The following ALK variants were observed in gnomAD, a reference collection of about 807,000 sequenced individuals.
ALK encodes the protein ALK tyrosine kinase receptor.
Under a neutral mutation model 163.1 loss-of-function variants are expected in ALK, and 74 were observed. The ratio of observed to expected loss-of-function variants is 0.45; its 90% CI spans 0.38 to 0.55. The LOEUF (loss-of-function observed/expected upper bound fraction) is 0.55, where lower values mean the gene tolerates loss of function less well. Ranked by LOEUF, ALK falls within the 20% of genes least tolerant of loss-of-function variation. ALK has a pLI of 0.00. For synonymous variants in ALK, 960 were observed against 843.2 expected (o/e 1.14, Z -2.40); for missense variants, 2,063 against 2,105.3 (o/e 0.98, Z 0.39).
intron 4 of ALK, among the ~76,000 whole-genome samples, chr2:29,511,058 C>T (rs1336993946): frequency 6.6e-6 from 1 of 152,166 alleles, no homozygotes; most frequent in Non-Finnish European, 1.5e-5. Context: ...TCCTCATCTC[C>T]TTTTCACTAA....
chr2:29,568,029 A>G (rs1277282974), intron 3 of ALK, among the ~76,000 whole-genome samples: 1 of 152,204 alleles, frequency 6.6e-6, no homozygotes, highest in African/African-American at 2.4e-5. Context: ...TAAATTGCAG[A>G]CAGTTTGGGT....
At chr2:29,566,203 T>C (rs1012452588) in intron 3 of ALK, among the ~76,000 whole-genome samples, 4 of 152,236 alleles carry the variant, frequency 2.6e-5, no homozygotes, top group Admixed American at 1.3e-4. Context: ...CCATTCACCA[T>C]GGCCAAATCC....
At chr2:29,787,553 G>A (rs988913914) in intron 1 of ALK, among the ~76,000 whole-genome samples, 4 of 152,232 alleles carry the variant, frequency 2.6e-5, no homozygotes, top group African/African-American at 4.8e-5. Context: ...TCCATGGGAC[G>A]TATGCATAGG....
chr2:29,578,549 C>A lies in ALK; in HGVS notation c.953-46433G>T, dbSNP rs562728664. On this transcript the variant is annotated intron_variant, in intron 3 of 28. Transcript: ENST00000389048. ...TGTGGAGTCCTAAGCTTGAGGAGGG[C>A]CCTCAGGGCCTGTTTGGGGGTAGGG... Among the ~76,000 whole-genome samples the A allele has an allele frequency of 1.1e-4, 17 of 152,278 alleles. No individual in the cohort carries two copies. The South Asian group carries it at 3.5e-3, about 32-fold the overall frequency.
chr2:29,341,277 G>A (rs1667783848), intron 5 of ALK, among the ~76,000 whole-genome samples: 1 of 152,180 alleles, frequency 6.6e-6, no homozygotes, highest in Non-Finnish European at 1.5e-5. Context: ...TGTGTCTAAA[G>A]AACTTGCTCA....
intron 5 of ALK, among the ~76,000 whole-genome samples, chr2:29,352,357 G>A (rs1222826142): frequency 2.0e-5 from 3 of 152,226 alleles, no homozygotes; most frequent in East Asian, 1.9e-4. Flanking sequence ...AATACTTGCC[G>A]GAGCCAAGCA....
chr2:29,590,522 T>C, intron 3 of ALK, among the ~76,000 whole-genome samples: 1 of 152,142 alleles, frequency 6.6e-6, no homozygotes, highest in East Asian at 1.9e-4. Context: ...CTAAGTCAGT[T>C]CAGCAAAAAC....
intron 1 of ALK, among the ~76,000 whole-genome samples, chr2:29,908,295 C>G (rs1341387412): frequency 2.0e-5 from 3 of 152,012 alleles, no homozygotes; most frequent in African/African-American, 7.2e-5. Flanking sequence ...CACACACACA[C>G]ACACACACAC....
At chr2:29,391,308 G>GC (rs1204487771) in intron 4 of ALK, among the ~76,000 whole-genome samples, 67 of 141,118 alleles carry the variant, frequency 4.7e-4, no homozygotes, top group African/African-American at 1.3e-3. Context: ...TTTTTTTTGG[G>GC]GGGGGGGTGG....
intron 1 of ALK, among the ~76,000 whole-genome samples, chr2:29,894,626 A>G (rs1667223574): frequency 6.6e-6 from 1 of 152,076 alleles, no homozygotes; most frequent in Non-Finnish European, 1.5e-5. Context: ...GAATGACTTC[A>G]AGTCCAGGAT....
At chr2:29,195,882 C>T (rs1669010882) in intron 28 of ALK, among the ~76,000 whole-genome samples, 1 of 152,088 alleles carries the variant, frequency 6.6e-6, no homozygotes, top group Non-Finnish European at 1.5e-5. Context: ...CCTGAGCAGG[C>T]GATTGGTGAT....
intron 11 of ALK, among the ~76,000 whole-genome samples, chr2:29,262,178 T>G (rs1018368236): frequency 6.6e-6 from 1 of 152,232 alleles, no homozygotes; most frequent in African/African-American, 2.4e-5. Flanking sequence ...TGTAGAAAAG[T>G]TAAGCAATTG....
At chr2:29,333,902 G>A (rs766977296) in intron 5 of ALK, among the ~76,000 whole-genome samples, 1 of 152,178 alleles carries the variant, frequency 6.6e-6, no homozygotes, top group Non-Finnish European at 1.5e-5. Flanking sequence ...GTGAGCCACT[G>A]CACCCAGCCT....
At chr2:29,374,896 T>C (rs1668717926) in intron 5 of ALK, among the ~76,000 whole-genome samples, 4 of 152,186 alleles carry the variant, frequency 2.6e-5, no homozygotes, top group Admixed American at 2.6e-4. Context: ...GTGAGGATAC[T>C]AAGGTCGTGA....
intron 9 of ALK, among the ~76,000 whole-genome samples, chr2:29,288,235 C>T (rs907414864): frequency 6.6e-6 from 1 of 152,220 alleles, no homozygotes; most frequent in African/African-American, 2.4e-5. Context: ...GATGCAGATG[C>T]AGCTCTCCTG....
chr2:29,550,137 G>A (rs1268574118), intron 3 of ALK, among the ~76,000 whole-genome samples: 1 of 152,142 alleles, frequency 6.6e-6, no homozygotes, highest in Non-Finnish European at 1.5e-5. Context: ...AATGGCTAAT[G>A]CTTATCCAGT....
chr2:29,609,215 T>A (rs1324389957), intron 3 of ALK, among the ~76,000 whole-genome samples: 1 of 152,192 alleles, frequency 6.6e-6, no homozygotes, highest in African/African-American at 2.4e-5. Context: ...TGAGCCACCA[T>A]GCCCAGACTA....
At chr2:29,723,189 C>A (rs1679470644) in intron 1 of ALK, among the ~76,000 whole-genome samples, 1 of 152,336 alleles carries the variant, frequency 6.6e-6, no homozygotes, top group East Asian at 1.9e-4. Flanking sequence ...CATTTGCAAC[C>A]ATTTTCCCTC....
At chr2:29,349,860 C>A (rs1348845564) in intron 5 of ALK, among the ~76,000 whole-genome samples, 2 of 152,212 alleles carry the variant, frequency 1.3e-5, no homozygotes, top group African/African-American at 2.4e-5. Context: ...TGAGTAGAAC[C>A]AGGACCTGCT....
Sources: allele counts gnomAD v4.1 joint callset (sites outside exome capture counted in the v4.1 genomes callset), GRCh38; gene constraint gnomAD v4.1.1; transcripts MANE v1.5; gene names NCBI Gene and HGNC (gene_info 2026-07-23, HGNC 2026-07-21).